Variants in HACD1 observed in about 807,000 individuals in gnomAD.
HACD1 encodes the protein 3-hydroxyacyl-CoA dehydratase 1, also known as very-long-chain (3R)-3-hydroxyacyl-CoA dehydratase 1.
HACD1 carries 41 observed loss-of-function variants against 32.0 expected under a neutral mutation model. That is an observed-to-expected ratio of 1.28 (90% CI 1.00 to 1.66). HACD1 has a LOEUF of 1.66. Ranked by LOEUF, HACD1 falls within the 40% of genes most tolerant of loss-of-function variation. The pLI is 0.00. For missense variants in HACD1, 396 were observed against 380.1 expected (o/e 1.04, Z -0.35); for synonymous variants, 142 against 139.0 (o/e 1.02, Z -0.15).
chr10:17,616,142 G>C (rs1191719894), intron 1 of HACD1, among the ~76,000 whole-genome samples: 15 of 152,038 alleles, frequency 9.9e-5, no homozygotes, highest in African/African-American at 3.6e-4. Context: ...GGTGGCGGGC[G>C]CCTGTAGTCC....
intron 4 of HACD1, among the ~76,000 whole-genome samples, chr10:17,599,923 A>G (rs1834045730): frequency 6.6e-6 from 1 of 152,234 alleles, no homozygotes; most frequent in African/African-American, 2.4e-5. Flanking sequence ...AAAGAAGCAA[A>G]TACATAAAAA....
intron 6 of HACD1, among the ~76,000 whole-genome samples, chr10:17,591,493 G>A (rs782140575): frequency 2.0e-5 from 3 of 152,106 alleles, no homozygotes; most frequent in Admixed American, 6.6e-5. Context: ...CTGGGTGTAA[G>A]GGTATTTAAT....
At chr10:17,607,370 C>G (rs1834162824) in intron 1 of HACD1, among the ~76,000 whole-genome samples, 1 of 152,196 alleles carries the variant, frequency 6.6e-6, no homozygotes, top group Non-Finnish European at 1.5e-5. Flanking sequence ...GATCCTACAG[C>G]ACTCATCGGA....
At chr10:17,604,087 A>G in intron 1 of HACD1, 40 bp from the exon 2 acceptor site, 3 of 1,318,682 alleles carry the variant, frequency 2.3e-6, no homozygotes, top group Non-Finnish European at 3.2e-6. Context: ...TTTCGAACTT[A>G]ATACCACTGA....
In HACD1 at chr10:17,617,356, G is replaced by T. The variant is rs76308933; in HGVS notation, c.-17C>A. 30,196 of 1,349,136 alleles carry T rather than the reference G, an allele frequency of 0.022. 397 individuals carry two copies. The highest frequency in any genetic ancestry group is 0.026 in the Non-Finnish European group (27,443 of 1,056,140). 83.6% of individuals were successfully genotyped at this position (1,349,136 alleles called of 1,614,324 possible). A position where few individuals can be genotyped will look rare whatever the true frequency, so the allele number is the denominator to read the frequency against. On this transcript the variant is annotated 5_prime_UTR_variant, in exon 1 of 7. Coordinates refer to ENST00000361271, the MANE Select transcript of HACD1 (RefSeq NM_014241.4). ...GCGCCCCATGTGCAGCGCGCAGGGG[G>T]CTCGGCGCAGCCAGCTCTACCGACC...
chr10:17,592,909 T>C (rs543149552), intron 6 of HACD1, among the ~76,000 whole-genome samples: 24 of 152,270 alleles, frequency 1.6e-4, no homozygotes, highest in African/African-American at 5.5e-4. Flanking sequence ...AAGATACAAG[T>C]TGGAGACATC....
chr10:17,597,925 G>A (rs191281901), intron 5 of HACD1, among the ~76,000 whole-genome samples: 1 of 152,166 alleles, frequency 6.6e-6, no homozygotes, highest in Admixed American at 6.5e-5. Context: ...TAAGCCGCAA[G>A]TGTCTAAAAA....
At chr10:17,611,398 G>A (rs1268548484) in intron 1 of HACD1, among the ~76,000 whole-genome samples, 3 of 152,050 alleles carry the variant, frequency 2.0e-5, no homozygotes, top group African/African-American at 4.8e-5. Flanking sequence ...GTCCTTCACC[G>A]CTCAGTTTAA....
At chr10:17,609,527 C>T (rs1834200449) in intron 1 of HACD1, among the ~76,000 whole-genome samples, 1 of 152,084 alleles carries the variant, frequency 6.6e-6, no homozygotes, top group Non-Finnish European at 1.5e-5. Flanking sequence ...AAAAGATACT[C>T]AGTATCGTTA....
At chr10:17,604,568 C>T (rs1455070664) in intron 1 of HACD1, among the ~76,000 whole-genome samples, 1 of 151,650 alleles carries the variant, frequency 6.6e-6, no homozygotes, top group Non-Finnish European at 1.5e-5. Flanking sequence ...ACATATCATG[C>T]AACACGGATA....
At chr10:17,611,278 T>C (rs1364778318) in intron 1 of HACD1, among the ~76,000 whole-genome samples, 3 of 152,190 alleles carry the variant, frequency 2.0e-5, no homozygotes, top group African/African-American at 7.2e-5. Context: ...ATTACAGGCA[T>C]GAGCCACCGC....
In HACD1 at chr10:17,594,342, C is replaced by CTT; in HGVS notation, c.646_647insAA (p.Gly216GlufsTer14). ...GGCAGCGTATATTGTAAGAAGTTCACCAGCAACTCCAACAGGATATAAGAT... is the reference window on the plus strand; with the variant it reads ...GGCAGCGTATATTGTAAGAAGTTCACTTCAGCAACTCCAACAGGATATAAGAT... On this transcript the variant is annotated frameshift_variant, in exon 6 of 7. Transcript: ENST00000361271. LOFTEE classifies it high-confidence loss of function. 6.4e-7 allele frequency: 1 copy of CTT among 1,570,106 alleles called. No homozygotes were observed. The highest frequency in any genetic ancestry group is 8.6e-7 in the Non-Finnish European group (1 of 1,158,898).
At chr10:17,604,150 G>A in intron 1 of HACD1, 103 bp from the exon 2 acceptor site, 1 of 831,164 alleles carries the variant, frequency 1.2e-6, no homozygotes, top group Non-Finnish European at 1.9e-6. Flanking sequence ...AAAGGTAAAA[G>A]CAACCCAGGT....
intron 1 of HACD1, among the ~76,000 whole-genome samples, chr10:17,611,893 G>A (rs1274715683): frequency 1.3e-5 from 2 of 151,888 alleles, no homozygotes; most frequent in African/African-American, 2.4e-5. Context: ...CATGAACCCG[G>A]GAGGCGGAGC....
At chr10:17,606,674 A>G (rs1834153548) in intron 1 of HACD1, among the ~76,000 whole-genome samples, 1 of 152,236 alleles carries the variant, frequency 6.6e-6, no homozygotes, top group Non-Finnish European at 1.5e-5. Context: ...GCAGAATGAC[A>G]CTTCTATTCT....
chr10:17,593,376 C>T (rs1295156309), intron 6 of HACD1, among the ~76,000 whole-genome samples: 1 of 151,382 alleles, frequency 6.6e-6, no homozygotes, highest in Admixed American at 6.6e-5. Flanking sequence ...AATGCAATGG[C>T]ATCATGTCAG....
intron 1 of HACD1, among the ~76,000 whole-genome samples, chr10:17,608,885 T>C (rs1260024871): frequency 6.6e-6 from 1 of 152,126 alleles, no homozygotes; most frequent in Admixed American, 6.6e-5. Flanking sequence ...CTTCAACTGA[T>C]TGTACACCAG....
intron 1 of HACD1, among the ~76,000 whole-genome samples, chr10:17,606,849 G>A (rs1306508457): frequency 6.6e-6 from 1 of 152,150 alleles, no homozygotes; most frequent in Non-Finnish European, 1.5e-5. Context: ...CTTAGACACT[G>A]TTTTCAATTC....
intron 1 of HACD1, among the ~76,000 whole-genome samples, chr10:17,608,016 G>C (rs534021067): frequency 1.3e-5 from 2 of 152,022 alleles, no homozygotes; most frequent in Non-Finnish European, 2.9e-5. Flanking sequence ...TCTGCAATTA[G>C]GATTTTTTTT....
Sources: allele counts gnomAD v4.1 joint callset (sites outside exome capture counted in the v4.1 genomes callset), GRCh38; gene constraint gnomAD v4.1.1; transcripts MANE v1.5; gene names NCBI Gene and HGNC (gene_info 2026-07-23, HGNC 2026-07-21).